Variants in CDH13 observed in about 807,000 individuals in gnomAD.
CDH13 encodes cadherin-13.
Under a neutral mutation model 63.8 loss-of-function variants are expected in CDH13, and 24 were observed. The observed-to-expected ratio is 0.38, with a 90% CI of 0.27 to 0.53. CDH13 has a LOEUF of 0.53. Among genes scored for constraint, CDH13 ranks in the 20% least tolerant of loss-of-function variants. The pLI is 0.85. For missense variants in CDH13, 1,049 were observed against 903.1 expected, an observed-to-expected ratio of 1.16 and a Z score of -2.07; for synonymous variants, 503 against 355.3, an observed-to-expected ratio of 1.42 and a Z score of -4.67.
chr16:83,014,495 A>G (rs1217755321), intron 2 of CDH13, among the ~76,000 whole-genome samples: 1 of 151,456 alleles, frequency 6.6e-6, no homozygotes. Flanking sequence ...GCACTTTGGG[A>G]GGCCAAGACG....
At chr16:83,506,566 T>G (rs2074402011) in intron 7 of CDH13, among the ~76,000 whole-genome samples, 2 of 152,192 alleles carry the variant, frequency 1.3e-5, no homozygotes, top group South Asian at 4.1e-4. Context: ...TTTTGCATAT[T>G]ATGGTAGCCA....
At chr16:83,411,885 T>G (rs952035344) in intron 6 of CDH13, among the ~76,000 whole-genome samples, 3 of 152,146 alleles carry the variant, frequency 2.0e-5, no homozygotes. Context: ...GATAGTAACA[T>G]CCCACATTAC....
At chr16:82,726,503 A>C (rs1304335243) in intron 1 of CDH13, among the ~76,000 whole-genome samples, 1 of 152,230 alleles carries the variant, frequency 6.6e-6, no homozygotes, top group African/African-American at 2.4e-5. Flanking sequence ...GCTGTTCAAA[A>C]ACAGGTGGTA....
At position 83,529,058 on chromosome 16, in the gene CDH13, C is replaced by A. The variant is rs1484766642; in HGVS notation, c.960+42403C>A. Among the ~76,000 whole-genome samples the A allele has an allele frequency of 6.0e-5, 9 of 150,372 alleles. No individual in the cohort carries two copies. The East Asian group carries it at 1.6e-3, about 26-fold the overall frequency. On this transcript the variant is annotated intron_variant, in intron 7 of 13. Coordinates refer to ENST00000567109, the MANE Select transcript of CDH13 (RefSeq NM_001257.5). Reference sequence around the variant, plus strand: ...ATTAGAAGAGAAGATGGAGGTCATTCCACCCAAACCCCCTCCCCATGAATA... The same window carrying A: ...ATTAGAAGAGAAGATGGAGGTCATTACACCCAAACCCCCTCCCCATGAATA...
intron 11 of CDH13, among the ~76,000 whole-genome samples, chr16:83,779,134 C>A (rs553574278): frequency 6.6e-6 from 1 of 152,054 alleles, no homozygotes; most frequent in Admixed American, 6.6e-5. Flanking sequence ...AGGCCGGATG[C>A]GGTGGCTCAT....
intron 5 of CDH13, among the ~76,000 whole-genome samples, chr16:83,296,610 T>G (rs765406838): frequency 5.3e-5 from 8 of 152,072 alleles, no homozygotes; most frequent in African/African-American, 9.7e-5. Flanking sequence ...AAGTTTCAGT[T>G]AATTAGTACA....
At chr16:82,859,117 TA>T (rs1304692220) in intron 2 of CDH13, 1 of 152,318 alleles carries the variant, frequency 6.6e-6, no homozygotes, top group Non-Finnish European at 1.5e-5. Context: ...TAAGAAGTGT[TA>T]GGGTACATTG....
At position 82,896,830 on chromosome 16, in the gene CDH13, G is replaced by C. The variant is rs571744279; in HGVS notation, c.157+38357G>C. On this transcript the variant is annotated intron_variant, in intron 2 of 13. Transcript: ENST00000567109. ...GAGTCTCACTTTGTCACCCAGGCTG[G>C]AGTGTAGTGGTGCAGTCTCGGCTCA... Among the ~76,000 whole-genome samples, 16 of 136,664 alleles carry C rather than the reference G, an allele frequency of 1.2e-4. No homozygotes were observed. The South Asian group carries it at 3.5e-3, about 30-fold the overall frequency. The allele number at this position is 136,664 out of a possible 152,430, so 89.7% of individuals were successfully genotyped here. A position where few individuals can be genotyped will look rare whatever the true frequency, so the allele number is the denominator to read the frequency against.
chr16:82,726,274 G>C (rs1162596943), intron 1 of CDH13, among the ~76,000 whole-genome samples: 1 of 152,042 alleles, frequency 6.6e-6, no homozygotes, highest in Non-Finnish European at 1.5e-5. Context: ...TTTTAGCCTT[G>C]GCAAGCTATA....
At chr16:83,301,463 T>G (rs1266283241) in intron 5 of CDH13, among the ~76,000 whole-genome samples, 1 of 152,186 alleles carries the variant, frequency 6.6e-6, no homozygotes, top group Non-Finnish European at 1.5e-5. Flanking sequence ...AGCTCATCAT[T>G]TCGGAGTTTT....
intron 1 of CDH13, among the ~76,000 whole-genome samples, chr16:82,791,006 G>A (rs1175438613): frequency 6.6e-6 from 1 of 152,184 alleles, no homozygotes; most frequent in Non-Finnish European, 1.5e-5. Context: ...GGGAGGCCGA[G>A]GCGGGCAGAT....
chr16:83,195,257 T>C (rs1400932749), intron 4 of CDH13, among the ~76,000 whole-genome samples: 1 of 152,194 alleles, frequency 6.6e-6, no homozygotes, highest in Non-Finnish European at 1.5e-5. Flanking sequence ...CTGGTAATGA[T>C]AGAAGAAAAT....
Position 83,657,855 on chromosome 16 carries a change from G to T in CDH13, c.1102-12935G>T, listed in dbSNP as rs1913007835. ...CAAGGTCCCATGTCCTCACCAGCAG[G>T]TCCCATATCCTCACCAGCAAGGTCC... On this transcript the variant is annotated intron_variant, in intron 8 of 13. Coordinates refer to ENST00000567109, the MANE Select transcript of CDH13 (RefSeq NM_001257.5). Among the ~76,000 whole-genome samples, 9 of 151,624 alleles carry T rather than the reference G, an allele frequency of 5.9e-5. No individual in the cohort carries two copies. The South Asian group carries it at 1.5e-3, about 25-fold the overall frequency.
rs114833912 is a variant in CDH13, at chr16:83,516,074, C to T, written c.960+29419C>T. On this transcript the variant is annotated intron_variant, in intron 7 of 13. Transcript: ENST00000567109. ...TCAAAAATTCGCTTTTCCAAGTTTC[C>T]GTCTAAGAGCATGTGGTGGGTTCTT... 3.5e-3 allele frequency among the ~76,000 whole-genome samples: 534 copies of T among 152,190 alleles called. 1 individual carries two copies. Among genetic ancestry groups the T allele is most frequent in the African/African-American group, 0.012 (511 of 41,552 alleles).
At chr16:83,435,128 C>T (rs2072255773) in intron 6 of CDH13, among the ~76,000 whole-genome samples, 1 of 151,750 alleles carries the variant, frequency 6.6e-6, no homozygotes, top group Admixed American at 6.6e-5. Context: ...CTTACTGCAA[C>T]CTCCACCTCC....
At chr16:82,929,171 T>C (rs1191430654) in intron 2 of CDH13, among the ~76,000 whole-genome samples, 2 of 152,178 alleles carry the variant, frequency 1.3e-5, no homozygotes, top group East Asian at 1.9e-4. Context: ...GCATATATCA[T>C]AGAAGGAATG....
intron 13 of CDH13, among the ~76,000 whole-genome samples, chr16:83,793,374 T>G (rs1916398126): frequency 6.6e-6 from 1 of 152,122 alleles, no homozygotes; most frequent in Non-Finnish European, 1.5e-5. Context: ...ATTGCTGAGT[T>G]GAGCAGAGTG....
At chr16:82,785,318 C>T (rs1185284214) in intron 1 of CDH13, among the ~76,000 whole-genome samples, 3 of 152,136 alleles carry the variant, frequency 2.0e-5, no homozygotes, top group Non-Finnish European at 4.4e-5. Context: ...ACAACTAAGC[C>T]ATAACTGGTT....
Position 83,646,427 on chromosome 16 carries a change from C to A in CDH13, c.1102-24363C>A, listed in dbSNP as rs552090114. Among the ~76,000 whole-genome samples the A allele has an allele frequency of 8.3e-4, 126 of 152,188 alleles. 1 individual carries two copies. The highest frequency in any genetic ancestry group is 2.9e-3 in the African/African-American group (119 of 41,532). The stretch of plus-strand genomic sequence containing the variant: ...TAGAAAATAGTTGTGTTGGCCGGAC[C>A]CAGTGGTTCACACCTGTAATCCCAG... On this transcript the variant is annotated intron_variant, in intron 8 of 13. Transcript: ENST00000567109.
Sources: allele counts gnomAD v4.1 joint callset (sites outside exome capture counted in the v4.1 genomes callset), GRCh38; gene constraint gnomAD v4.1.1; transcripts MANE v1.5; gene names NCBI Gene and HGNC (gene_info 2026-07-23, HGNC 2026-07-21).